PCDH9: variants seen among roughly 807,000 people sequenced by gnomAD.
The protein encoded by PCDH9 is protocadherin-9.
Under a neutral mutation model 70.6 loss-of-function variants are expected in PCDH9, and 24 were observed. That is an observed-to-expected ratio of 0.34 (90% confidence interval 0.25 to 0.48). The LOEUF (loss-of-function observed/expected upper bound fraction) is 0.48. Ranked by LOEUF, PCDH9 falls within the 20% of genes least tolerant of loss-of-function variation. PCDH9 has a pLI of 0.99. For synonymous variants in PCDH9, 562 were observed against 558.5 expected (o/e 1.01, Z -0.09); for missense variants, 1,281 against 1,503.6 (o/e 0.85, Z 2.45).
chr13:66,757,018 G>T (rs548742877), intron 3 of PCDH9, among the ~76,000 whole-genome samples: 1 of 152,154 alleles, frequency 6.6e-6, no homozygotes, highest in Admixed American at 6.5e-5. Flanking sequence ...TGTATTTTTA[G>T]TAGAGATGGG....
intron 2 of PCDH9, among the ~76,000 whole-genome samples, chr13:67,172,917 C>T (rs1246162175): frequency 6.7e-6 from 1 of 148,384 alleles, no homozygotes; most frequent in Admixed American, 6.8e-5. Flanking sequence ...GGCAGTTTAT[C>T]CAAACATTCA....
chr13:66,902,673 G>T (rs1348018436), intron 3 of PCDH9, among the ~76,000 whole-genome samples: 1 of 151,484 alleles, frequency 6.6e-6, no homozygotes, highest in East Asian at 1.9e-4. Context: ...TTTAATATTA[G>T]TTAACTATTA....
intron 4 of PCDH9, among the ~76,000 whole-genome samples, chr13:66,330,220 G>A (rs1205024163): frequency 7.9e-5 from 12 of 152,104 alleles, no homozygotes; most frequent in African/African-American, 2.9e-4. Context: ...AAAATCCTCT[G>A]GTCCAATAGC....
chr13:66,681,402 A>G (rs1040328819), intron 3 of PCDH9, among the ~76,000 whole-genome samples: 2 of 152,160 alleles, frequency 1.3e-5, no homozygotes, highest in African/African-American at 4.8e-5. Flanking sequence ...TTTTAGTTAC[A>G]CAACCCTAAT....
At chr13:67,154,605 T>TATACAC (rs1384212375) in intron 2 of PCDH9, among the ~76,000 whole-genome samples, 3 of 93,284 alleles carry the variant, frequency 3.2e-5, no homozygotes, top group African/African-American at 1.4e-4. Flanking sequence ...AATATATATA[T>TATACAC]ACACACACAC....
intron 4 of PCDH9, among the ~76,000 whole-genome samples, chr13:66,587,056 G>T (rs1217100312): frequency 2.6e-5 from 4 of 152,042 alleles, no homozygotes; most frequent in Non-Finnish European, 5.9e-5. Context: ...AGCACTTTAG[G>T]AGGCCAAAGC....
chr13:66,393,276 A>G (rs945840896), intron 4 of PCDH9, among the ~76,000 whole-genome samples: 2 of 152,228 alleles, frequency 1.3e-5, no homozygotes, highest in Non-Finnish European at 2.9e-5. Context: ...ACTTATCTAC[A>G]CAGGCAAGAT....
intron 2 of PCDH9, among the ~76,000 whole-genome samples, chr13:67,081,833 G>A (rs1441846526): frequency 1.3e-5 from 2 of 151,884 alleles, no homozygotes. Context: ...AGACTGACTG[G>A]CAAAAATCAG....
At position 66,552,335 on chromosome 13, in the gene PCDH9, T is replaced by C. The variant is rs189503365; in HGVS notation, c.3340+78875A>G. ...TTTCACAGTCAGCGTTCCTTTGGGC[T>C]ATTTTTCTGGGGTCTCCTAGGCGCG... On this transcript the variant is annotated intron_variant, in intron 4 of 4. Coordinates refer to ENST00000377865, the MANE Select transcript of PCDH9 (RefSeq NM_203487.3). Among the ~76,000 whole-genome samples, 33 of 152,296 alleles carry C rather than the reference T, an allele frequency of 2.2e-4. 1 individual carries two copies. In the East Asian group the frequency reaches 6.4e-3, roughly 29 times the overall value.
intron 4 of PCDH9, among the ~76,000 whole-genome samples, chr13:66,445,698 T>C (rs1477396662): frequency 1.4e-5 from 2 of 145,190 alleles, no homozygotes; most frequent in African/African-American, 2.5e-5. Context: ...TATACACATA[T>C]ATATTATGTA....
At chr13:66,325,181 A>C (rs1250892333) in intron 4 of PCDH9, among the ~76,000 whole-genome samples, 1 of 152,086 alleles carries the variant, frequency 6.6e-6, no homozygotes, top group African/African-American at 2.4e-5. Flanking sequence ...TATTTTTACA[A>C]TGAATTCCAT....
chr13:66,875,587 T>C (rs1396801999), intron 3 of PCDH9, among the ~76,000 whole-genome samples: 2 of 152,142 alleles, frequency 1.3e-5, no homozygotes, highest in African/African-American at 2.4e-5. Flanking sequence ...TCTATTTCAG[T>C]GAAAAGAACT....
chr13:67,010,172 AAAT>A (rs2084426493), intron 2 of PCDH9, among the ~76,000 whole-genome samples: 1 of 152,030 alleles, frequency 6.6e-6, no homozygotes, highest in Non-Finnish European at 1.5e-5. Flanking sequence ...TTTTTCCCTA[AAAT>A]TAACTACTAT....
intron 4 of PCDH9, among the ~76,000 whole-genome samples, chr13:66,616,386 C>A (rs2077355695): frequency 8.9e-6 from 1 of 112,446 alleles, no homozygotes. Flanking sequence ...GCAAACCACT[C>A]ATTCCTATCA....
chr13:66,681,140 AAAACCT>A (rs1249180697), intron 3 of PCDH9, among the ~76,000 whole-genome samples: 2 of 152,202 alleles, frequency 1.3e-5, no homozygotes, highest in East Asian at 3.9e-4. Flanking sequence ...ATGCCCTGTA[AAAACCT>A]ATCACAATCA....
intron 2 of PCDH9, among the ~76,000 whole-genome samples, chr13:67,179,917 C>T (rs2088571122): frequency 1.3e-5 from 2 of 152,212 alleles, no homozygotes; most frequent in South Asian, 4.1e-4. Flanking sequence ...GCAATATAGA[C>T]TCAAAACTAT....
At chr13:66,462,341 T>G (rs1038348990) in intron 4 of PCDH9, among the ~76,000 whole-genome samples, 1 of 151,890 alleles carries the variant, frequency 6.6e-6, no homozygotes, top group Non-Finnish European at 1.5e-5. Flanking sequence ...CCTTTATGGT[T>G]TGAAGAATTA....
At chr13:66,693,125 A>G (rs908142129) in intron 3 of PCDH9, among the ~76,000 whole-genome samples, 1 of 152,098 alleles carries the variant, frequency 6.6e-6, no homozygotes, top group African/African-American at 2.4e-5. Flanking sequence ...TCCACGTTCT[A>G]TCCTAACCTT....
At chr13:67,143,669 G>A (rs781582223) in intron 2 of PCDH9, among the ~76,000 whole-genome samples, 2 of 152,058 alleles carry the variant, frequency 1.3e-5, no homozygotes, top group Non-Finnish European at 2.9e-5. Context: ...TGGGCTTACA[G>A]CTATAGGAAA....
Sources: allele counts gnomAD v4.1 joint callset (sites outside exome capture counted in the v4.1 genomes callset), GRCh38; gene constraint gnomAD v4.1.1; transcripts MANE v1.5; gene names NCBI Gene and HGNC (gene_info 2026-07-23, HGNC 2026-07-21).